SNX29: variants seen among roughly 807,000 people sequenced by gnomAD.
The protein encoded by SNX29 is sorting nexin-29.
Under a neutral mutation model 102.1 loss-of-function variants are expected in SNX29, and 78 were observed. The ratio of observed to expected loss-of-function variants is 0.76; its 90% CI spans 0.64 to 0.92. The LOEUF (loss-of-function observed/expected upper bound fraction) is 0.92. Among genes scored for constraint, SNX29 ranks in the 40% least tolerant of loss-of-function variants. The pLI is 0.00. For missense variants in SNX29, 1,280 were observed against 1,061.7 expected (o/e 1.21, Z -2.86); for synonymous variants, 580 against 414.5 (o/e 1.40, Z -4.85).
chr16:12,202,368 A>G (rs1174219082), intron 14 of SNX29, among the ~76,000 whole-genome samples: 1 of 152,180 alleles, frequency 6.6e-6, no homozygotes, highest in Non-Finnish European at 1.5e-5. Context: ...AATGTGGTCC[A>G]GAAGTGAGGT....
At chr16:12,326,383 C>T (rs1232192230) in intron 15 of SNX29, among the ~76,000 whole-genome samples, 1 of 150,040 alleles carries the variant, frequency 6.7e-6, no homozygotes, top group Non-Finnish European at 1.5e-5. Flanking sequence ...GGGAGGGGCC[C>T]TGGAAGGGTT....
At chr16:12,152,401 C>G (rs776168983) in intron 13 of SNX29, among the ~76,000 whole-genome samples, 1 of 152,188 alleles carries the variant, frequency 6.6e-6, no homozygotes, top group Admixed American at 6.5e-5. Flanking sequence ...ATGGTCATTT[C>G]AAGGTTTGGC....
chr16:12,207,244 C>T (rs1382254145), intron 14 of SNX29, among the ~76,000 whole-genome samples: 1 of 152,210 alleles, frequency 6.6e-6, no homozygotes, highest in African/African-American at 2.4e-5. Flanking sequence ...TGGCAGGCGC[C>T]TGTAATCCTA....
intron 16 of SNX29, among the ~76,000 whole-genome samples, chr16:12,377,017 G>T (rs896621321): frequency 6.6e-6 from 1 of 152,154 alleles, no homozygotes; most frequent in Non-Finnish European, 1.5e-5. Flanking sequence ...CCAGGAGAAT[G>T]TGGGCAAGGC....
chr16:12,225,848 C>T (rs1272232377), intron 14 of SNX29, among the ~76,000 whole-genome samples: 1 of 152,172 alleles, frequency 6.6e-6, no homozygotes, highest in Non-Finnish European at 1.5e-5. Flanking sequence ...TTGACTTGGG[C>T]ACCCTCAATG....
intron 15 of SNX29, among the ~76,000 whole-genome samples, chr16:12,355,501 C>T (rs908105980): frequency 2.6e-5 from 4 of 152,174 alleles, no homozygotes; most frequent in Non-Finnish European, 2.9e-5. Context: ...TGCCTGACCT[C>T]GCATTCTGGG....
At chr16:12,243,765 C>G (rs566736540) in intron 14 of SNX29, among the ~76,000 whole-genome samples, 21 of 152,338 alleles carry the variant, frequency 1.4e-4, no homozygotes, top group African/African-American at 4.8e-4. Context: ...CATTCACCCT[C>G]TCAGAGCACC....
intron 20 of SNX29, among the ~76,000 whole-genome samples, chr16:12,552,606 G>T (rs1044729871): frequency 1.3e-5 from 2 of 152,176 alleles, no homozygotes; most frequent in Non-Finnish European, 2.9e-5. Context: ...TCATGGGGAT[G>T]ACTAAAAAAG....
Position 12,572,810 on chromosome 16 carries a change from G to GT in SNX29, c.*4183dup. 9.4e-7 allele frequency: 1 copy of GT among 1,063,900 alleles called. No individual in the cohort carries two copies. Among genetic ancestry groups the GT allele is most frequent in the African/African-American group, 1.6e-5 (1 of 61,092 alleles). The allele number at this position is 1,063,900 out of a possible 1,614,324, so 65.9% of individuals were successfully genotyped here. ...CCTCCTTCCCCAGTACATCAGACTG[G>GT]TTAGGAGGCATCCCAGAAGGGGCAG... On this transcript the variant is annotated 3_prime_UTR_variant, in exon 21 of 21. Transcript: ENST00000566228.
At chr16:12,036,387 T>A (rs1641837) in intron 4 of SNX29, among the ~76,000 whole-genome samples, 18,621 of 145,070 alleles carry the variant, frequency 0.13, 2,007 homozygotes, top group East Asian at 0.35. Flanking sequence ...CAGGCTGGAG[T>A]GCAGTGGCAC....
Position 12,282,083 on chromosome 16 carries a change from C to CAAAAAAAAAAAAAAAAAAAAAAAAAAAA in SNX29, c.1782+4072_1782+4073insAAAAAAAAAAAAAAAAAAAAAAAAAAAA. 3.2e-5 allele frequency among the ~76,000 whole-genome samples: 2 copies of CAAAAAAAAAAAAAAAAAAAAAAAAAAAA among 62,050 alleles called. 1 individual carries two copies. The highest frequency in any genetic ancestry group is 5.7e-5 in the Non-Finnish European group (2 of 35,000). 40.7% of individuals were successfully genotyped at this position (62,050 alleles called of 152,430 possible). ...TGGGCGACAGAGTGAGACTCCATCT[C>CAAAAAAAAAAAAAAAAAAAAAAAAAAAA]AAAAAAAAAAAAAAAAAAAAAAAAA... On this transcript the variant is annotated intron_variant, in intron 15 of 20. Coordinates refer to ENST00000566228, the MANE Select transcript of SNX29 (RefSeq NM_032167.5).
intron 20 of SNX29, among the ~76,000 whole-genome samples, chr16:12,546,967 C>T (rs567951328): frequency 3.3e-5 from 5 of 152,312 alleles, no homozygotes; most frequent in South Asian, 4.1e-4. Flanking sequence ...TCCATCCACC[C>T]ATTCCTCCAA....
At chr16:12,155,824 C>T (rs1186714873) in intron 13 of SNX29, among the ~76,000 whole-genome samples, 2 of 152,184 alleles carry the variant, frequency 1.3e-5, no homozygotes, top group African/African-American at 2.4e-5. Flanking sequence ...GTTCCAGTGA[C>T]ACTGCTGCAA....
chr16:12,563,575 T>A (rs1376754655), intron 20 of SNX29, among the ~76,000 whole-genome samples: 1 of 151,126 alleles, frequency 6.6e-6, no homozygotes, highest in Non-Finnish European at 1.5e-5. Context: ...CCCCTTTGGG[T>A]GGTGGCTTAG....
chr16:12,019,966 C>T (rs2151089920), intron 3 of SNX29, among the ~76,000 whole-genome samples: 1 of 152,122 alleles, frequency 6.6e-6, no homozygotes, highest in African/African-American at 2.4e-5. Context: ...ATAACTGAGA[C>T]CATACTTAAC....
intron 18 of SNX29, among the ~76,000 whole-genome samples, chr16:12,458,885 C>G (rs1266724755): frequency 6.6e-6 from 1 of 152,232 alleles, no homozygotes; most frequent in African/African-American, 2.4e-5. Flanking sequence ...CTGTTGGTCT[C>G]AGGTCTTTTC....
In SNX29 at chr16:12,282,876, C is replaced by T. The variant is rs145652748; in HGVS notation, c.1782+4840C>T. On this transcript the variant is annotated intron_variant, in intron 15 of 20. Transcript: ENST00000566228. ...TTCATCGTGTTGGCCAGGCTGGTCTCGAACACCTAACCTTAGGTGATCCGC... is the reference window on the plus strand; with the variant it reads ...TTCATCGTGTTGGCCAGGCTGGTCTTGAACACCTAACCTTAGGTGATCCGC... Among the ~76,000 whole-genome samples the T allele has an allele frequency of 8.4e-3, 1,286 of 152,242 alleles. 22 individuals carry two copies. Among genetic ancestry groups the T allele is most frequent in the African/African-American group, 0.029 (1,197 of 41,528 alleles).
intron 18 of SNX29, among the ~76,000 whole-genome samples, chr16:12,414,613 C>G (rs920297076): frequency 6.6e-6 from 1 of 152,188 alleles, no homozygotes; most frequent in East Asian, 1.9e-4. Flanking sequence ...TTTCTGCTCC[C>G]TCACCTGAAG....
At chr16:12,199,303 G>T (rs2076855395) in intron 13 of SNX29, among the ~76,000 whole-genome samples, 1 of 152,154 alleles carries the variant, frequency 6.6e-6, no homozygotes, top group Non-Finnish European at 1.5e-5. Context: ...CTGATAGGTG[G>T]GTAGCTCCAA....
Sources: gnomAD v4.1 joint callset for allele counts (sites outside exome capture counted in the v4.1 genomes callset) on GRCh38, gnomAD v4.1.1 for gene constraint, MANE v1.5 for transcripts, NCBI Gene and HGNC (gene_info 2026-07-23, HGNC 2026-07-21) for gene names.